SENP7: variants seen among roughly 807,000 people sequenced by gnomAD.
SENP7 encodes the protein sentrin-specific protease 7.
In SENP7, 64 loss-of-function variants were observed where a neutral mutation model predicts 141.2. That is an observed-to-expected ratio of 0.45 (90% confidence interval 0.37 to 0.56). The LOEUF (loss-of-function observed/expected upper bound fraction) is 0.56, where lower values mean the gene tolerates loss of function less well. SENP7 is among the 20% of genes least tolerant of loss of function. The probability of loss-of-function intolerance (pLI) is 0.00; values close to 1 mark genes in which losing one functional copy is unlikely to be tolerated. For synonymous variants in SENP7, 382 were observed against 426.4 expected, an observed-to-expected ratio of 0.90 and a Z score of 1.28; for missense variants, 1,025 against 1,212.2, an observed-to-expected ratio of 0.85 and a Z score of 2.29.
intron 20 of SENP7, 98 bp from the exon 21 acceptor site, chr3:101,328,787 A>G: frequency 1.2e-6 from 1 of 863,032 alleles, no homozygotes. Flanking sequence ...TGAAGTTAAA[A>G]TTTCAAGTAA....
At chr3:101,414,219 C>T in intron 5 of SENP7, 1 of 569,414 alleles carries the variant, frequency 1.8e-6, no homozygotes, top group South Asian at 2.0e-5. Context: ...TGTGGGGTCA[C>T]CATAACAGCT....
At chr3:101,388,762 G>A (rs1463201944) in intron 6 of SENP7, among the ~76,000 whole-genome samples, 2 of 151,200 alleles carry the variant, frequency 1.3e-5, no homozygotes, top group South Asian at 4.2e-4. Context: ...AACAATTCAG[G>A]ATCTGAAGGG....
rs1227132138 is a variant in SENP7 at position 101,485,397 on chromosome 3, C to T, written c.186+8476G>A. On this transcript the variant is annotated intron_variant, in intron 3 of 23. Coordinates refer to ENST00000394095, the MANE Select transcript of SENP7 (RefSeq NM_020654.5). Reference sequence around the variant, plus strand: ...CTCCACTGGAAAAGGCATTGGTATCCACGGCTGAGAGATCCATCGATGACT... The same window carrying T: ...CTCCACTGGAAAAGGCATTGGTATCTACGGCTGAGAGATCCATCGATGACT... Among the ~76,000 whole-genome samples the T allele has an allele frequency of 2.6e-5, 4 of 152,010 alleles. No homozygotes were observed. In the East Asian group the frequency reaches 7.7e-4, roughly 29 times the overall value.
At chr3:101,470,844 T>C (rs4683920) in intron 3 of SENP7, among the ~76,000 whole-genome samples, 60,328 of 151,882 alleles carry the variant, frequency 0.4, 12,504 homozygotes, top group Admixed American at 0.54. Flanking sequence ...ACAAGCATTC[T>C]TATACACCCT....
intron 4 of SENP7, among the ~76,000 whole-genome samples, chr3:101,441,376 G>T (rs539497420): frequency 1.3e-5 from 2 of 152,120 alleles, no homozygotes; most frequent in East Asian, 3.9e-4. Context: ...AACAGTATCC[G>T]CAGGCACTGT....
intron 5 of SENP7, among the ~76,000 whole-genome samples, chr3:101,400,410 A>G (rs2061101050): frequency 6.6e-6 from 1 of 152,030 alleles, no homozygotes; most frequent in South Asian, 2.1e-4. Flanking sequence ...AACCTTGAGT[A>G]GAACACATCT....
chr3:101,501,224 C>G (rs778442441), intron 1 of SENP7, 105 bp from the exon 2 acceptor site: 16 of 763,270 alleles, frequency 2.1e-5, no homozygotes, highest in Middle Eastern at 5.9e-4. Flanking sequence ...TTTAAATTAA[C>G]TTGTTAGATT....
At position 101,325,468 on chromosome 3, in the gene SENP7, A is replaced by T. The variant is rs980908314; in HGVS notation, c.*475T>A. ...AGCCTTGATACTAAATTATTTTTTT[A>T]AAAAATACACAGTATTCATACTGCA... On this transcript the variant is annotated 3_prime_UTR_variant, in exon 24 of 24. Coordinates refer to ENST00000394095, the MANE Select transcript of SENP7 (RefSeq NM_020654.5). 26 of 152,618 alleles carry T rather than the reference A, an allele frequency of 1.7e-4. No homozygotes were observed. The highest frequency in any genetic ancestry group is 5.3e-4 in the African/African-American group (22 of 41,546). 9.5% of individuals were successfully genotyped at this position (152,618 alleles called of 1,614,324 possible).
intron 4 of SENP7, among the ~76,000 whole-genome samples, chr3:101,421,220 G>GTATATGTGCATGTATATATGTA (rs1220316950): frequency 8.6e-5 from 13 of 151,956 alleles, no homozygotes; most frequent in African/African-American, 2.9e-4. Context: ...AAAAATGTAT[G>GTATATGTGCATGTATATATGTA]TATATGTGCA....
chr3:101,418,152 T>C (rs2061680477), intron 4 of SENP7, among the ~76,000 whole-genome samples: 1 of 152,164 alleles, frequency 6.6e-6, no homozygotes, highest in African/African-American at 2.4e-5. Context: ...TAAAAATGTG[T>C]TTTTGTTTTA....
At chr3:101,329,537 G>C (rs1202476321) in intron 20 of SENP7, among the ~76,000 whole-genome samples, 1 of 151,898 alleles carries the variant, frequency 6.6e-6, no homozygotes, top group Non-Finnish European at 1.5e-5. Flanking sequence ...CTGAATCTAG[G>C]CTATGCAGAT....
At chr3:101,508,047 C>CAAAAAA (rs61638290) in intron 1 of SENP7, among the ~76,000 whole-genome samples, 1 of 90,126 alleles carries the variant, frequency 1.1e-5, no homozygotes. Context: ...GACTCCATCT[C>CAAAAAA]AAAAAAAAAA....
At chr3:101,464,789 C>T (rs938078656) in intron 3 of SENP7, among the ~76,000 whole-genome samples, 10 of 152,034 alleles carry the variant, frequency 6.6e-5, no homozygotes, top group Admixed American at 1.3e-4. Context: ...AATTGTCTTC[C>T]ATGAAACCTG....
intron 6 of SENP7, among the ~76,000 whole-genome samples, chr3:101,388,214 C>T (rs189385696): frequency 2.4e-4 from 36 of 152,310 alleles, no homozygotes; most frequent in Middle Eastern, 6.8e-3. Context: ...CCACCACCAG[C>T]ACAACTGTTA....
chr3:101,352,911 A>G (rs1283673096), intron 11 of SENP7, among the ~76,000 whole-genome samples: 13 of 152,044 alleles, frequency 8.6e-5, no homozygotes, highest in Non-Finnish European at 2.9e-5. Flanking sequence ...TGAAAACCAA[A>G]TGTGAGGCAA....
intron 11 of SENP7, among the ~76,000 whole-genome samples, chr3:101,355,070 G>GT (rs1038753968): frequency 2.6e-5 from 4 of 151,928 alleles, no homozygotes; most frequent in East Asian, 1.9e-4. Context: ...TCATAGGGTT[G>GT]TTTTTTTCCT....
intron 6 of SENP7, among the ~76,000 whole-genome samples, chr3:101,387,026 T>G (rs1559753843): frequency 6.6e-6 from 1 of 152,208 alleles, no homozygotes; most frequent in African/African-American, 2.4e-5. Context: ...CTGCTGCTGC[T>G]GGCACCCATG....
rs757587901 is a variant in SENP7, at chr3:101,367,799, T to C, written c.978+31A>G. Reference sequence around the variant, plus strand: ...TCGTTTTTATCATAGCATGAAATTATTTCCTATAATATCTAAATACCTCTA... The same window carrying C: ...TCGTTTTTATCATAGCATGAAATTACTTCCTATAATATCTAAATACCTCTA... On this transcript the variant is annotated intron_variant, in intron 8 of 23. Transcript: ENST00000394095. 4.0e-5 allele frequency: 53 copies of C among 1,335,584 alleles called. No individual in the cohort carries two copies. The East Asian group carries it at 7.2e-4, about 18-fold the overall frequency. 82.7% of individuals were successfully genotyped at this position (1,335,584 alleles called of 1,614,324 possible).
At chr3:101,367,560 T>C (rs1332034248) in intron 8 of SENP7, among the ~76,000 whole-genome samples, 1 of 152,094 alleles carries the variant, frequency 6.6e-6, no homozygotes, top group Non-Finnish European at 1.5e-5. Context: ...GATGTACAAC[T>C]ACCTACTAAG....
Sources: allele counts gnomAD v4.1 joint callset (sites outside exome capture counted in the v4.1 genomes callset), GRCh38; gene constraint gnomAD v4.1.1; transcripts MANE v1.5; gene names NCBI Gene and HGNC (gene_info 2026-07-23, HGNC 2026-07-21).